Variants in PATJ observed in about 807,000 individuals in gnomAD.
PATJ encodes inaD-like protein.
PATJ carries 190 observed loss-of-function variants against 224.9 expected under a neutral mutation model. The observed-to-expected ratio is 0.84, with a 90% CI of 0.75 to 0.95. The LOEUF (loss-of-function observed/expected upper bound fraction) is 0.95. Among genes scored for constraint, PATJ ranks in the 40% least tolerant of loss-of-function variants. PATJ has a pLI of 0.00. For synonymous variants in PATJ, 769 were observed against 820.3 expected (o/e 0.94, Z 1.07); for missense variants, 2,121 against 2,270.3 (o/e 0.93, Z 1.34).
At chr1:61,974,941 T>G (rs1165075254) in intron 27 of PATJ, among the ~76,000 whole-genome samples, 3 of 151,796 alleles carry the variant, frequency 2.0e-5, no homozygotes, top group Non-Finnish European at 1.5e-5. Flanking sequence ...GTTTTTTTGT[T>G]TTGTTTTGTT....
chr1:62,041,595 G>T (rs1651483970), intron 30 of PATJ, among the ~76,000 whole-genome samples: 1 of 152,130 alleles, frequency 6.6e-6, no homozygotes, highest in Non-Finnish European at 1.5e-5. Flanking sequence ...CTAGATTTTT[G>T]GCTTGAGCAA....
chr1:62,009,367 A>G (rs1646291357), intron 28 of PATJ, among the ~76,000 whole-genome samples: 1 of 152,336 alleles, frequency 6.6e-6, no homozygotes, highest in Non-Finnish European at 1.5e-5. Flanking sequence ...TGTTTATACT[A>G]TGGTCTATAA....
At chr1:61,770,265 T>TA (rs1646523950) in intron 5 of PATJ, among the ~76,000 whole-genome samples, 1 of 152,124 alleles carries the variant, frequency 6.6e-6, no homozygotes, top group African/African-American at 2.4e-5. Flanking sequence ...TGAGAATGGG[T>TA]AAACAGGAAG....
At position 62,066,347 on chromosome 1, in the gene PATJ, A is replaced by C. The variant is rs72677947; in HGVS notation, c.4126-13103A>C. Among the ~76,000 whole-genome samples the C allele has an allele frequency of 3.6e-3, 548 of 152,308 alleles. 6 individuals carry two copies. Among genetic ancestry groups the C allele is most frequent in the Admixed American group, 4.7e-3 (72 of 15,298 alleles). On this transcript the variant is annotated intron_variant, in intron 31 of 43. Transcript: ENST00000642238. Reference sequence around the variant, plus strand: ...CTTTAAATAAGTAATTATTAAGGTTAATAAGTATTATTGAAGGACAAGGTA... The same window carrying C: ...CTTTAAATAAGTAATTATTAAGGTTCATAAGTATTATTGAAGGACAAGGTA...
chr1:61,858,113 A>G (rs1663981131), intron 18 of PATJ, among the ~76,000 whole-genome samples: 1 of 152,176 alleles, frequency 6.6e-6, no homozygotes, highest in Non-Finnish European at 1.5e-5. Flanking sequence ...ACAGTTCTAC[A>G]GCCTGTACAG....
intron 22 of PATJ, among the ~76,000 whole-genome samples, chr1:61,890,981 A>G (rs1474530623): frequency 6.6e-6 from 1 of 152,102 alleles, no homozygotes; most frequent in South Asian, 2.1e-4. Flanking sequence ...GGGCCCTGAC[A>G]TATACCCAGG....
At chr1:61,910,545 T>TACC (rs1672476368) in intron 25 of PATJ, among the ~76,000 whole-genome samples, 1 of 128,942 alleles carries the variant, frequency 7.8e-6, no homozygotes, top group Admixed American at 8.0e-5. Context: ...TCTTTTTTTT[T>TACC]TTTTTTTTTT....
chr1:61,794,833 C>T (rs1235261973), intron 9 of PATJ, among the ~76,000 whole-genome samples: 9 of 151,954 alleles, frequency 5.9e-5, no homozygotes, highest in Middle Eastern at 3.4e-3. Flanking sequence ...ACTAAAATTA[C>T]GAAAGTTATC....
intron 27 of PATJ, among the ~76,000 whole-genome samples, chr1:61,928,816 AAAAT>A (rs1553207795): frequency 1.8e-5 from 2 of 109,078 alleles, no homozygotes; most frequent in Non-Finnish European, 4.9e-5. Context: ...AATAAAATAT[AAAAT>A]AAATAACTTT....
At chr1:61,765,525 C>G (rs1646225225) in intron 3 of PATJ, among the ~76,000 whole-genome samples, 1 of 152,066 alleles carries the variant, frequency 6.6e-6, no homozygotes, top group Non-Finnish European at 1.5e-5. Flanking sequence ...CTTGGAATTA[C>G]AAGTGTGTAC....
chr1:62,121,957 GAA>G (rs78046107), intron 38 of PATJ, among the ~76,000 whole-genome samples: 1 of 148,378 alleles, frequency 6.7e-6, no homozygotes, highest in East Asian at 2.0e-4. Context: ...CCAGTTAAAA[GAA>G]AAAAAAAAGT....
chr1:62,107,966 T>G (rs1192035695), intron 33 of PATJ, among the ~76,000 whole-genome samples: 2 of 152,198 alleles, frequency 1.3e-5, no homozygotes, highest in African/African-American at 4.8e-5. Flanking sequence ...TGCTCCTGTT[T>G]TCTTCTCCTC....
intron 27 of PATJ, among the ~76,000 whole-genome samples, chr1:61,944,950 C>T (rs1021226129): frequency 6.6e-6 from 1 of 152,150 alleles, no homozygotes; most frequent in African/African-American, 2.4e-5. Flanking sequence ...GAATTTTCAA[C>T]CCAGAATTTC....
Position 61,828,015 on chromosome 1 carries a change from G to A in PATJ, c.1980+432G>A, listed in dbSNP as rs138419151. On this transcript the variant is annotated intron_variant, in intron 16 of 43. Transcript: ENST00000642238. ...TAATCCCAGCACTTTGGGAGGCCGAGGTGGGTGGAACACCTAAGGTCGGGA... is the reference window on the plus strand; with the variant it reads ...TAATCCCAGCACTTTGGGAGGCCGAAGTGGGTGGAACACCTAAGGTCGGGA... Among the ~76,000 whole-genome samples the A allele has an allele frequency of 9.8e-3, 1,490 of 152,254 alleles. 27 individuals carry two copies. Among genetic ancestry groups the A allele is most frequent in the African/African-American group, 0.035 (1,436 of 41,542 alleles).
Position 61,805,457 on chromosome 1 carries a change from C to T in PATJ, c.1559C>T (p.Pro520Leu), listed in dbSNP as rs1471377920. 1 of 1,602,338 alleles carries T rather than the reference C, an allele frequency of 6.2e-7. No individual in the cohort carries two copies. The highest frequency in any genetic ancestry group is 8.5e-7 in the Non-Finnish European group (1 of 1,169,698). The change falls in exon 13 of 44, where the codon CCA becomes CTA. Residue 520 changes from proline (P) to leucine (L), a missense_variant. By Grantham distance (98) the Pro-to-Leu change is moderately conservative (BLOSUM62 -3). Coordinates refer to ENST00000642238, the MANE Select transcript of PATJ (RefSeq NM_001350145.3). The part of the protein sequence containing the change: ...IQALEKLEKV[P>L]DSPENELKSR... ...TTTTTTTAATATCCAGAAAAAGTCC[C>T]AGACTCTCCAGAAAATGAGCTGAAA...
intron 30 of PATJ, among the ~76,000 whole-genome samples, chr1:62,045,797 C>A (rs1417544000): frequency 6.6e-6 from 1 of 152,160 alleles, no homozygotes; most frequent in Non-Finnish European, 1.5e-5. Context: ...ACGCTGCTGA[C>A]CTGTTTTCCC....
chr1:61,974,405 CTTTTTTTTT>C (rs149825131), intron 27 of PATJ, among the ~76,000 whole-genome samples: 15 of 64,268 alleles, frequency 2.3e-4, no homozygotes, highest in African/African-American at 8.1e-4. Flanking sequence ...CTCTCTCTCT[CTTTTTTTTT>C]TTTTTTTTTT....
At position 62,127,721 on chromosome 1, in the gene PATJ, C is replaced by T. The variant is rs950839140; in HGVS notation, c.5044-251C>T. On this transcript the variant is annotated intron_variant, in intron 39 of 43. Transcript: ENST00000642238. ...ACTCAGGAGGCTGAGGCAGGAAAAT[C>T]GCTTGAACCTGGGAGGCGGAAGTTG... Among the ~76,000 whole-genome samples the T allele has an allele frequency of 3.3e-5, 5 of 152,196 alleles. No homozygotes were observed. The South Asian group carries it at 8.3e-4, about 25-fold the overall frequency.
intron 22 of PATJ, among the ~76,000 whole-genome samples, chr1:61,886,962 C>T (rs1451875019): frequency 4.0e-5 from 6 of 151,230 alleles, no homozygotes; most frequent in African/African-American, 1.5e-4. Context: ...GCCTGGGTGA[C>T]ATAGCGAGAC....
Sources: allele counts gnomAD v4.1 joint callset (sites outside exome capture counted in the v4.1 genomes callset), GRCh38; gene constraint gnomAD v4.1.1; transcripts MANE v1.5; gene names NCBI Gene and HGNC (gene_info 2026-07-23, HGNC 2026-07-21).